FSTL5: variants seen among roughly 807,000 people sequenced by gnomAD.
FSTL5 encodes follistatin-related protein 5.
FSTL5 carries 62 observed loss-of-function variants against 89.1 expected under a neutral mutation model. That is an observed-to-expected ratio of 0.70 (90% CI 0.57 to 0.86). The LOEUF (loss-of-function observed/expected upper bound fraction) is 0.86, where lower values mean the gene tolerates loss of function less well. FSTL5 is among the 40% of genes least tolerant of loss of function. FSTL5 has a pLI of 0.00. For synonymous variants in FSTL5, 383 were observed against 346.2 expected, an observed-to-expected ratio of 1.11 and a Z score of -1.18; for missense variants, 1,057 against 1,001.6, an observed-to-expected ratio of 1.06 and a Z score of -0.75.
chr4:161,749,002 C>T (rs368674964), intron 6 of FSTL5, among the ~76,000 whole-genome samples: 2 of 152,162 alleles, frequency 1.3e-5, no homozygotes, highest in East Asian at 1.9e-4. Context: ...GTCAGAATGG[C>T]TATTACTAAA....
At chr4:162,141,859 GTGTA>G (rs748105474) in intron 1 of FSTL5, among the ~76,000 whole-genome samples, 33,408 of 149,154 alleles carry the variant, frequency 0.22, 3,959 homozygotes, top group Non-Finnish European at 0.25. Context: ...TACTGAGGAA[GTGTA>G]CACAGGTAGA....
chr4:161,522,563 A>T (rs1451704790), intron 10 of FSTL5, among the ~76,000 whole-genome samples: 3 of 151,458 alleles, frequency 2.0e-5, no homozygotes, highest in Non-Finnish European at 4.4e-5. Flanking sequence ...TACATATTAC[A>T]TACATATATA....
chr4:161,606,993 A>G (rs1355486010), intron 7 of FSTL5, among the ~76,000 whole-genome samples: 1 of 152,212 alleles, frequency 6.6e-6, no homozygotes, highest in Non-Finnish European at 1.5e-5. Flanking sequence ...CCTCATTAGG[A>G]GAGGCTGCAA....
At chr4:162,106,190 T>C (rs1235244113) in intron 2 of FSTL5, among the ~76,000 whole-genome samples, 1 of 152,210 alleles carries the variant, frequency 6.6e-6, no homozygotes, top group Non-Finnish European at 1.5e-5. Context: ...AGATAAACAT[T>C]TTGATTTAGT....
chr4:161,728,693 A>G (rs1374286284), intron 6 of FSTL5, among the ~76,000 whole-genome samples: 1 of 152,196 alleles, frequency 6.6e-6, no homozygotes, highest in African/African-American at 2.4e-5. Flanking sequence ...GGAAAACTGT[A>G]TAATAAAATT....
chr4:161,903,773 G>GT (rs35038945), intron 4 of FSTL5, among the ~76,000 whole-genome samples: 78,915 of 149,292 alleles, frequency 0.53, 21,080 homozygotes, highest in Middle Eastern at 0.66. Context: ...TACATTTAGT[G>GT]TTTTTTTTTT....
chr4:161,770,125 T>C (rs1032845864), intron 5 of FSTL5, among the ~76,000 whole-genome samples: 5 of 151,966 alleles, frequency 3.3e-5, no homozygotes, highest in Non-Finnish European at 5.9e-5. Flanking sequence ...AAAGACAAAC[T>C]TCATATATTC....
At chr4:161,535,567 T>C (rs550345880) in intron 10 of FSTL5, among the ~76,000 whole-genome samples, 2 of 152,150 alleles carry the variant, frequency 1.3e-5, no homozygotes, top group African/African-American at 2.4e-5. Flanking sequence ...ATGGCTATTA[T>C]TAAAAAGTCA....
At chr4:161,446,778 A>T (rs1033639758) in intron 15 of FSTL5, among the ~76,000 whole-genome samples, 3 of 151,986 alleles carry the variant, frequency 2.0e-5, no homozygotes, top group Non-Finnish European at 2.9e-5. Flanking sequence ...TGGTGTATTC[A>T]TTACATCGTA....
At chr4:161,619,112 G>T (rs939983414) in intron 7 of FSTL5, among the ~76,000 whole-genome samples, 7 of 152,112 alleles carry the variant, frequency 4.6e-5, no homozygotes, top group Non-Finnish European at 7.4e-5. Context: ...TTTAATAAAT[G>T]GTGCTGGGAA....
At chr4:162,148,536 ATTAAT>A in intron 1 of FSTL5, among the ~76,000 whole-genome samples, 1 of 152,286 alleles carries the variant, frequency 6.6e-6, no homozygotes, top group East Asian at 1.9e-4. Flanking sequence ...AAAAACACCT[ATTAAT>A]TTAATTAGAA....
chr4:161,907,507 T>C lies in FSTL5; in HGVS notation c.409+12897A>G, dbSNP rs140155155. 2.4e-3 allele frequency among the ~76,000 whole-genome samples: 371 copies of C among 152,272 alleles called. 1 individual carries two copies. The highest frequency in any genetic ancestry group is 8.4e-3 in the African/African-American group (351 of 41,592). On this transcript the variant is annotated intron_variant, in intron 4 of 15. Transcript: ENST00000306100. ...TACATGCACAATGACCAGACAGATA[T>C]AATGCAAATGAGAAGTTCCAAAAGT...
chr4:161,575,435 G>A (rs954235317), intron 8 of FSTL5, among the ~76,000 whole-genome samples: 7 of 151,896 alleles, frequency 4.6e-5, no homozygotes, highest in Non-Finnish European at 8.8e-5. Context: ...TGTCTTGAAT[G>A]GTATTGTCCA....
chr4:162,078,499 A>G (rs746234432), intron 2 of FSTL5, among the ~76,000 whole-genome samples: 1 of 151,840 alleles, frequency 6.6e-6, no homozygotes, highest in South Asian at 2.1e-4. Context: ...TAACCAATAC[A>G]TGATGCCGTT....
chr4:162,039,945 G>A (rs1737886192), intron 2 of FSTL5, among the ~76,000 whole-genome samples: 1 of 151,986 alleles, frequency 6.6e-6, no homozygotes, highest in African/African-American at 2.4e-5. Context: ...GCTTAGTTGT[G>A]AGTAGGTGAT....
intron 8 of FSTL5, 70 bp downstream of exon 8, chr4:161,587,385 T>C: frequency 1.3e-6 from 2 of 1,489,178 alleles, no homozygotes; most frequent in South Asian, 1.1e-5. Context: ...ACTCAAAAAA[T>C]TGAAGGCTTC....
intron 10 of FSTL5, among the ~76,000 whole-genome samples, chr4:161,519,556 G>A (rs547625845): frequency 6.7e-6 from 1 of 149,684 alleles, no homozygotes; most frequent in South Asian, 2.1e-4. Flanking sequence ...AAAAAATAAC[G>A]AAATTTCTAA....
At chr4:162,138,755 T>C (rs1732611982) in intron 1 of FSTL5, among the ~76,000 whole-genome samples, 1 of 152,170 alleles carries the variant, frequency 6.6e-6, no homozygotes, top group East Asian at 1.9e-4. Context: ...GTTATTAGAA[T>C]AAGTAAGATT....
chr4:161,445,196 A>G (rs1732904868), intron 15 of FSTL5, among the ~76,000 whole-genome samples: 1 of 151,924 alleles, frequency 6.6e-6, no homozygotes, highest in African/African-American at 2.4e-5. Context: ...GGACAAAAGG[A>G]AAGTTAGAGA....
Sources: allele counts gnomAD v4.1 joint callset (sites outside exome capture counted in the v4.1 genomes callset), GRCh38; gene constraint gnomAD v4.1.1; transcripts MANE v1.5; gene names NCBI Gene and HGNC (gene_info 2026-07-23, HGNC 2026-07-21).